DCDC2: variants seen among roughly 807,000 people sequenced by gnomAD.
DCDC2 encodes the protein doublecortin domain-containing protein 2.
In DCDC2, 40 loss-of-function variants were observed where a neutral mutation model predicts 50.2. The observed-to-expected ratio is 0.80, with a 90% CI of 0.62 to 1.04. The LOEUF is 1.04. Ranked by LOEUF, DCDC2 falls within the 50% of genes least tolerant of loss-of-function variation. DCDC2 has a pLI of 0.00. For missense variants in DCDC2, 570 were observed against 581.9 expected (o/e 0.98, Z 0.21); for synonymous variants, 234 against 210.6 (o/e 1.11, Z -0.96).
At chr6:24,245,671 T>C (rs914179594) in intron 7 of DCDC2, among the ~76,000 whole-genome samples, 1 of 152,192 alleles carries the variant, frequency 6.6e-6, no homozygotes, top group East Asian at 1.9e-4. Context: ...GAAGATTAGA[T>C]TTACATATGA....
At chr6:24,379,611 C>T in the DCDC2 span, among the ~76,000 whole-genome samples, 228 of 152,286 alleles carry the variant, frequency 1.5e-3, 2 homozygotes, top group African/African-American at 5.4e-3. Flanking sequence ...ATTAGTTCAA[C>T]CATTGTGGAA....
intron 8 of DCDC2, among the ~76,000 whole-genome samples, chr6:24,200,840 A>G (rs963854323): frequency 1.3e-5 from 2 of 152,114 alleles, no homozygotes; most frequent in African/African-American, 4.8e-5. Context: ...AAGAAAAAAA[A>G]AAACCAGGGG....
chr6:24,284,629 A>T lies in DCDC2; in HGVS notation c.759+4223T>A, dbSNP rs199819334. 4.0e-3 allele frequency among the ~76,000 whole-genome samples: 572 copies of T among 144,128 alleles called. 3 individuals are homozygous for T. The highest frequency in any genetic ancestry group is 0.013 in the African/African-American group (502 of 37,926). The allele number at this position is 144,128 out of a possible 152,430, so 94.6% of individuals were successfully genotyped here. On this transcript the variant is annotated intron_variant, in intron 6 of 9. Transcript: ENST00000378454. ...CTGTCTCAAAAAAAAAAAAAAAAAA[A>T]TTTTTTTTGAAGCAAATTATATCAC...
At chr6:24,307,476 A>G (rs2113842625) in intron 2 of DCDC2, among the ~76,000 whole-genome samples, 1 of 152,360 alleles carries the variant, frequency 6.6e-6, no homozygotes, top group South Asian at 2.1e-4. Flanking sequence ...ACCTACACAA[A>G]AAAGCTTCAA....
At chr6:24,233,261 T>C (rs2113784830) in intron 7 of DCDC2, among the ~76,000 whole-genome samples, 1 of 152,358 alleles carries the variant, frequency 6.6e-6, no homozygotes, top group South Asian at 2.1e-4. Context: ...TTTCTTGGAC[T>C]TTTGTCTGAT....
intron 7 of DCDC2, among the ~76,000 whole-genome samples, chr6:24,229,835 A>T (rs1762302963): frequency 6.6e-6 from 1 of 152,146 alleles, no homozygotes; most frequent in Non-Finnish European, 1.5e-5. Context: ...CCACACTTAG[A>T]TCTGACTGAT....
chr6:24,267,829 G>A (rs531961830), intron 7 of DCDC2, among the ~76,000 whole-genome samples: 43 of 152,342 alleles, frequency 2.8e-4, no homozygotes, highest in African/African-American at 9.6e-4. Context: ...CCCTGGCACA[G>A]AGTAAGCACC....
intron 2 of DCDC2, among the ~76,000 whole-genome samples, chr6:24,306,138 G>A (rs576272339): frequency 2.0e-5 from 3 of 152,208 alleles, no homozygotes; most frequent in African/African-American, 4.8e-5. Context: ...GGAGTATGAG[G>A]TATTCTCACT....
intron 6 of DCDC2, among the ~76,000 whole-genome samples, chr6:24,284,758 G>A (rs535633277): frequency 1.3e-5 from 2 of 151,724 alleles, no homozygotes; most frequent in South Asian, 2.1e-4. Flanking sequence ...TTTCATTCAC[G>A]GCCTTCTTTC....
At chr6:24,268,395 G>A (rs1193815551) in intron 7 of DCDC2, among the ~76,000 whole-genome samples, 4 of 152,024 alleles carry the variant, frequency 2.6e-5, no homozygotes, top group South Asian at 2.1e-4. Flanking sequence ...GCTAAGGCAC[G>A]ATAATTGCTT....
At chr6:24,282,843 T>A (rs1763508297) in intron 6 of DCDC2, among the ~76,000 whole-genome samples, 1 of 151,984 alleles carries the variant, frequency 6.6e-6, no homozygotes, top group Admixed American at 6.6e-5. Flanking sequence ...ATGACAAGAG[T>A]AAGAAGCCCT....
At chr6:24,365,116 G>A in the DCDC2 span, among the ~76,000 whole-genome samples, 4 of 152,044 alleles carry the variant, frequency 2.6e-5, no homozygotes, top group African/African-American at 4.8e-5. Context: ...TCAAATCCAC[G>A]TGCTAGGTGG....
upstream of DCDC2, among the ~76,000 whole-genome samples, chr6:24,359,131 T>G (rs1760579536): frequency 1.4e-5 from 1 of 73,312 alleles, no homozygotes; most frequent in South Asian, 4.1e-4. Context: ...ATATTATATA[T>G]TTTATATATA....
intron 7 of DCDC2, among the ~76,000 whole-genome samples, chr6:24,245,575 G>C (rs953342830): frequency 6.6e-6 from 1 of 152,138 alleles, no homozygotes; most frequent in Non-Finnish European, 1.5e-5. Flanking sequence ...GGCCTCACCT[G>C]AAGCAAATGA....
intron 2 of DCDC2, among the ~76,000 whole-genome samples, chr6:24,314,927 G>A (rs937989864): frequency 6.6e-6 from 1 of 152,112 alleles, no homozygotes; most frequent in Admixed American, 6.6e-5. Flanking sequence ...TGATATACTA[G>A]TGCTAAGTGC....
In DCDC2 at chr6:24,357,785, C is replaced by G. The variant is rs745436981; in HGVS notation, c.-35G>C. The stretch of plus-strand genomic sequence containing the variant: ...TGGCCGCCGCCTCAGCTCGCTGCTT[C>G]GCGTCGGGAGGCACCTCCGCTGTCC... On this transcript the variant is annotated 5_prime_UTR_variant, in exon 1 of 10. Transcript: ENST00000378454. 2.5e-6 allele frequency: 4 copies of G among 1,611,936 alleles called. No individual in the cohort carries two copies. The highest frequency in any genetic ancestry group is 3.4e-6 in the Non-Finnish European group (4 of 1,179,214).
At chr6:24,278,580 G>C (rs773143928) in intron 6 of DCDC2, among the ~76,000 whole-genome samples, 2 of 152,150 alleles carry the variant, frequency 1.3e-5, no homozygotes, top group Non-Finnish European at 2.9e-5. Flanking sequence ...GTGGGGTTTA[G>C]AGGATAAATC....
chr6:24,301,786 G>C lies in DCDC2; in HGVS notation c.486C>G (p.Thr162=), dbSNP rs746818008. Residue 162 remains threonine, a synonymous_variant, in exon 4 of 10, where the codon ACC becomes ACG. Transcript: ENST00000378454. ...PASRLLIPRK[T]LNQWDHVLQM... ...GTAGTACATGATCCCACTGATTCAA[G>C]GTTTTTCTGGGGATAAGGAGGCGAG... 1.2e-5 allele frequency: 19 copies of C among 1,614,026 alleles called. No individual in the cohort carries two copies. The highest frequency in any genetic ancestry group is 1.6e-5 in the Non-Finnish European group (19 of 1,180,022).
intron 4 of DCDC2, among the ~76,000 whole-genome samples, chr6:24,297,554 T>C (rs1028677037): frequency 1.3e-5 from 2 of 152,074 alleles, no homozygotes; most frequent in Admixed American, 1.3e-4. Context: ...TTGAATATAT[T>C]TTATTTCTGT....
Sources: gnomAD v4.1 joint callset for allele counts (sites outside exome capture counted in the v4.1 genomes callset) on GRCh38, gnomAD v4.1.1 for gene constraint, MANE v1.5 for transcripts, NCBI Gene and HGNC (gene_info 2026-07-23, HGNC 2026-07-21) for gene names.